Variants in STX16 observed in about 807,000 individuals in gnomAD.
The protein encoded by STX16 is syntaxin-16.
A neutral mutation model predicts 42.7 loss-of-function variants in STX16; 28 were observed. The observed-to-expected ratio is 0.66, with a 90% CI of 0.49 to 0.90. The LOEUF is 0.90. Ranked by LOEUF, STX16 falls within the 40% of genes least tolerant of loss-of-function variation. STX16 has a pLI of 0.00. For synonymous variants in STX16, 156 were observed against 155.2 expected (o/e 1.00, Z -0.04); for missense variants, 361 against 420.9 (o/e 0.86, Z 1.24).
In STX16 at chr20:58,676,922, A is replaced by G. The variant is rs2084143169; in HGVS notation, c.*631A>G. The G allele has an allele frequency of 6.5e-6, 1 of 152,690 alleles. No individual in the cohort carries two copies. The highest frequency in any genetic ancestry group is 1.5e-5 in the Non-Finnish European group (1 of 68,052). 9.5% of individuals were successfully genotyped at this position (152,690 alleles called of 1,614,324 possible). On this transcript the variant is annotated 3_prime_UTR_variant, in exon 9 of 9. Coordinates refer to ENST00000371141, the MANE Select transcript of STX16 (RefSeq NM_001001433.3). ...AAGAAACCATCATTGATGTTAATTA[A>G]CACATTTAGATGGGCCAGTTAAAAC...
rs572616612 is a variant in STX16 at position 58,668,464 on chromosome 20, C to A, written c.393+337C>A. On this transcript the variant is annotated intron_variant, in intron 4 of 8. Coordinates refer to ENST00000371141, the MANE Select transcript of STX16 (RefSeq NM_001001433.3). ...AGAAATTTCAATGCTAAATTATAGT[C>A]CTCATAATTGAAAAAACAACTTAGT... is the stretch of plus-strand genomic sequence containing the variant. 3.3e-5 allele frequency among the ~76,000 whole-genome samples: 5 copies of A among 152,056 alleles called. No individual in the cohort carries two copies. In the South Asian group the frequency reaches 1.0e-3, roughly 32 times the overall value.
At chr20:58,658,697 C>CA (rs148806792) in intron 1 of STX16, among the ~76,000 whole-genome samples, 3,130 of 151,654 alleles carry the variant, frequency 0.021, 106 homozygotes, top group African/African-American at 0.071. Flanking sequence ...CAATACTGTA[C>CA]AAAAAAAAGA....
At chr20:58,663,671 T>G (rs2083752680) in intron 2 of STX16, among the ~76,000 whole-genome samples, 1 of 152,004 alleles carries the variant, frequency 6.6e-6, no homozygotes, top group Admixed American at 6.6e-5. Flanking sequence ...AAGCACAAAT[T>G]TATTTATTTA....
chr20:58,669,600 T>G (rs774948775), intron 5 of STX16, 147 bp downstream of exon 5: 12 of 1,037,904 alleles, frequency 1.2e-5, no homozygotes, highest in Non-Finnish European at 1.6e-5. Context: ...AAGGGAAGCC[T>G]CCTCCCCATG....
chr20:58,671,911 A>G (rs1296089381), intron 7 of STX16, among the ~76,000 whole-genome samples: 1 of 152,188 alleles, frequency 6.6e-6, no homozygotes, highest in Non-Finnish European at 1.5e-5. Context: ...ATCAGAAAAT[A>G]TGAAGTTCAA....
At position 58,668,152 on chromosome 20, in the gene STX16, G is replaced by T. The variant is rs377483949; in HGVS notation, c.393+25G>T. 1.4e-3 allele frequency: 2,221 copies of T among 1,613,118 alleles called. 50 individuals carry two copies. The South Asian group carries it at 0.021, about 15-fold the overall frequency. ...GGTGAGGAGTGCAAGTGAGTCCTGG[G>T]GAAACCAGCGAGCCTTCTCATGGCA... On this transcript the variant is annotated intron_variant, in intron 4 of 8. Transcript: ENST00000371141.
intron 2 of STX16, among the ~76,000 whole-genome samples, chr20:58,664,672 A>G (rs1401798239): frequency 6.6e-6 from 1 of 152,254 alleles, no homozygotes; most frequent in Non-Finnish European, 1.5e-5. Context: ...AGTTGTATTC[A>G]CTTCAACCGA....
intron 1 of STX16, among the ~76,000 whole-genome samples, chr20:58,655,747 T>C (rs2083571955): frequency 6.6e-6 from 1 of 152,216 alleles, no homozygotes; most frequent in Non-Finnish European, 1.5e-5. Context: ...TACCCAGAAT[T>C]CTTTCCAGGC....
intron 5 of STX16, among the ~76,000 whole-genome samples, chr20:58,669,717 A>G (rs923422000): frequency 6.6e-6 from 1 of 152,192 alleles, no homozygotes; most frequent in Non-Finnish European, 1.5e-5. Context: ...TTTTGTGTCA[A>G]GCTGCAAGAA....
chr20:58,670,698 G>C, intron 6 of STX16, 95 bp downstream of exon 6: 1 of 1,005,874 alleles, frequency 9.9e-7, no homozygotes, highest in Admixed American at 1.9e-5. Flanking sequence ...CAGTGTCAGT[G>C]GATTGATACA....
intron 5 of STX16, 144 bp from the exon 6 acceptor site, chr20:58,670,368 C>T (rs1313345719): frequency 1.6e-6 from 1 of 616,962 alleles, no homozygotes; most frequent in African/African-American, 1.8e-5. Context: ...CCTCCACCCC[C>T]ATTGGAGATA....
intron 2 of STX16, among the ~76,000 whole-genome samples, chr20:58,661,976 T>A (rs1484215510): frequency 6.6e-6 from 1 of 152,190 alleles, no homozygotes; most frequent in Non-Finnish European, 1.5e-5. Flanking sequence ...ATTCTCCTCC[T>A]CTAGCCTGAG....
chr20:58,659,494 A>T, intron 1 of STX16, 129 bp from the exon 2 acceptor site: 1 of 835,412 alleles, frequency 1.2e-6, no homozygotes, highest in Non-Finnish European at 1.8e-6. Context: ...GTGGATCTTT[A>T]TATTTAGTCA....
Position 58,660,739 on chromosome 20 carries a change from T to C in STX16, c.144+1105T>C, listed in dbSNP as rs796237826. ...TTTTTTTTTTTTTTTTTTTTTTTTT[T>C]CAGGAAAAATAACTCATATTTATGC... On this transcript the variant is annotated intron_variant, in intron 2 of 8. Transcript: ENST00000371141. Among the ~76,000 whole-genome samples the C allele has an allele frequency of 3.3e-3, 467 of 139,492 alleles. 2 individuals carry two copies. The highest frequency in any genetic ancestry group is 0.019 in the Middle Eastern group (5 of 266). 91.5% of individuals were successfully genotyped at this position (139,492 alleles called of 152,430 possible). A position where few individuals can be genotyped will look rare whatever the true frequency, so the allele number is the denominator to read the frequency against.
intron 2 of STX16, among the ~76,000 whole-genome samples, chr20:58,663,547 C>T (rs1052698515): frequency 5.3e-5 from 8 of 152,130 alleles, no homozygotes; most frequent in South Asian, 2.1e-4. Context: ...GTTAGGGTAG[C>T]GGACCCCAGT....
intron 2 of STX16, among the ~76,000 whole-genome samples, chr20:58,661,970 T>A (rs1283874270): frequency 6.6e-6 from 1 of 152,178 alleles, no homozygotes; most frequent in Non-Finnish European, 1.5e-5. Context: ...ATTGTCATTC[T>A]CCTCCTCTAG....
intron 1 of STX16, among the ~76,000 whole-genome samples, chr20:58,659,328 T>G (rs1455282494): frequency 6.6e-6 from 1 of 152,228 alleles, no homozygotes; most frequent in Admixed American, 6.5e-5. Flanking sequence ...AAAGCAAGTG[T>G]GTTTTATCTG....
chr20:58,663,708 C>T (rs1324059019), intron 2 of STX16, among the ~76,000 whole-genome samples: 3 of 151,826 alleles, frequency 2.0e-5, no homozygotes, highest in African/African-American at 4.8e-5. Flanking sequence ...GAGTCTCGCT[C>T]TGTCTTAATA....
chr20:58,674,610 T>C (rs750605958), intron 8 of STX16, among the ~76,000 whole-genome samples: 3 of 152,188 alleles, frequency 2.0e-5, no homozygotes, highest in Non-Finnish European at 4.4e-5. Context: ...GCCCTTGCAC[T>C]AGTCTAACCA....
Sources: gnomAD v4.1 joint callset for allele counts (sites outside exome capture counted in the v4.1 genomes callset) on GRCh38, gnomAD v4.1.1 for gene constraint, MANE v1.5 for transcripts, NCBI Gene and HGNC (gene_info 2026-07-23, HGNC 2026-07-21) for gene names.